Variants in CYTH3 observed in about 807,000 individuals in gnomAD.
CYTH3 encodes cytohesin 3, also known as cytohesin-3.
A neutral mutation model predicts 55.1 loss-of-function variants in CYTH3; 23 were observed. The observed-to-expected ratio is 0.42, with a 90% CI of 0.30 to 0.59. The LOEUF (loss-of-function observed/expected upper bound fraction) is 0.59, where lower values mean the gene tolerates loss of function less well. Ranked by LOEUF, CYTH3 falls within the 20% of genes least tolerant of loss-of-function variation. CYTH3 has a pLI of 0.20. For missense variants in CYTH3, 413 were observed against 524.8 expected (o/e 0.79, Z 2.08); for synonymous variants, 249 against 194.9 (o/e 1.28, Z -2.31).
intron 1 of CYTH3, among the ~76,000 whole-genome samples, chr7:6,198,890 G>A (rs924970457): frequency 1.3e-5 from 2 of 152,018 alleles, no homozygotes; most frequent in Admixed American, 6.6e-5. Context: ...TTCCAGACAC[G>A]CTAGGAAAGG....
rs543545357 is a variant in CYTH3 at position 6,247,246 on chromosome 7, G to A, written c.34+25228C>T. ...CCTTAAAACTTAGCCTCAGCTCCAC[G>A]ACACTATTTTCTGGCAATGTTATAG... is the stretch of plus-strand genomic sequence containing the variant. On this transcript the variant is annotated intron_variant, in intron 1 of 12. Coordinates refer to ENST00000350796, the MANE Select transcript of CYTH3 (RefSeq NM_004227.4). Among the ~76,000 whole-genome samples the A allele has an allele frequency of 3.9e-4, 60 of 152,246 alleles. 2 individuals carry two copies. In the South Asian group the frequency reaches 0.011, roughly 28 times the overall value.
At chr7:6,199,432 G>A (rs1784010077) in intron 1 of CYTH3, among the ~76,000 whole-genome samples, 1 of 152,142 alleles carries the variant, frequency 6.6e-6, no homozygotes, top group African/African-American at 2.4e-5. Flanking sequence ...AGGAGGATCT[G>A]GAGCCCAAGA....
chr7:6,170,458 G>A lies in CYTH3; in HGVS notation c.823+77C>T. 7.4e-7 allele frequency: 1 copy of A among 1,357,444 alleles called. No homozygotes were observed. Among genetic ancestry groups the A allele is most frequent in the Non-Finnish European group, 1.0e-6 (1 of 979,426 alleles). The allele number at this position is 1,357,444 out of a possible 1,614,324, so 84.1% of individuals were successfully genotyped here. The stretch of plus-strand genomic sequence containing the variant: ...CTGCGGTGGGGGGCATTCCTACGAT[G>A]AGCCTGGGAGGAACCCGAGGGGCTG... On this transcript the variant is annotated intron_variant, in intron 9 of 12. Transcript: ENST00000350796. This position sits in a 1 kb window ranked among gnomAD's most constrained non-coding sequence, Gnocchi z 7.8.
intron 1 of CYTH3, among the ~76,000 whole-genome samples, chr7:6,250,167 C>T: frequency 6.6e-6 from 1 of 152,036 alleles, no homozygotes; most frequent in Admixed American, 6.6e-5. Flanking sequence ...CAGTATGGCT[C>T]CCTTGGGGAA....
intron 1 of CYTH3, among the ~76,000 whole-genome samples, chr7:6,236,200 A>C (rs1040420280): frequency 6.7e-6 from 1 of 148,560 alleles, no homozygotes; most frequent in African/African-American, 2.5e-5. Flanking sequence ...ACAGAAAATA[A>C]CCCCCCCCTT....
intron 1 of CYTH3, among the ~76,000 whole-genome samples, chr7:6,269,840 A>ATT (rs548034002): frequency 2.0e-5 from 3 of 152,224 alleles, no homozygotes; most frequent in Admixed American, 2.0e-4. Flanking sequence ...GTAGGAATCA[A>ATT]TTTTTCAAGT....
chr7:6,165,467 T>C, intron 11 of CYTH3, 40 bp from the exon 12 acceptor site: 1 of 1,608,780 alleles, frequency 6.2e-7, no homozygotes, highest in East Asian at 2.2e-5. Flanking sequence ...CAGGGGGGCT[T>C]GGGGCAGGTT....
At position 6,213,511 on chromosome 7, in the gene CYTH3, C is replaced by T. The variant is rs77564651; in HGVS notation, c.35-22980G>A. Among the ~76,000 whole-genome samples, 690 of 152,200 alleles carry T rather than the reference C, an allele frequency of 4.5e-3. 5 individuals carry two copies. The highest frequency in any genetic ancestry group is 0.014 in the Middle Eastern group (4 of 294). ...CCATTCTTTGCAATACAATCTCAAT[C>T]CCAGTAAAGTGTCCCCATGGTTTTT... On this transcript the variant is annotated intron_variant, in intron 1 of 12. Transcript: ENST00000350796.
At chr7:6,190,978 G>A (rs1321662596) in intron 1 of CYTH3, among the ~76,000 whole-genome samples, 1 of 151,962 alleles carries the variant, frequency 6.6e-6, no homozygotes. Context: ...TCGGGAGGCT[G>A]AGGCAGGAGA....
intron 1 of CYTH3, among the ~76,000 whole-genome samples, chr7:6,263,059 G>A (rs1484264247): frequency 1.3e-5 from 2 of 152,030 alleles, no homozygotes; most frequent in Non-Finnish European, 2.9e-5. Context: ...GATTCCTACA[G>A]TTTCTATACC....
At chr7:6,194,996 A>T (rs1341312439) in intron 1 of CYTH3, among the ~76,000 whole-genome samples, 2 of 151,990 alleles carry the variant, frequency 1.3e-5, no homozygotes, top group Non-Finnish European at 2.9e-5. Context: ...TAAATAAATA[A>T]TTTTAAAAAA....
At position 6,173,722 on chromosome 7, in the gene CYTH3, T is replaced by G. The variant is rs1783261397; in HGVS notation, c.380A>C (p.Asn127Thr). 6.2e-7 allele frequency: 1 copy of G among 1,600,854 alleles called. No homozygotes were observed. Among genetic ancestry groups the G allele is most frequent in the Non-Finnish European group, 8.6e-7 (1 of 1,167,900 alleles). Residue 127 changes from asparagine to threonine, a missense_variant, in exon 6 of 13, where the codon AAT (asparagine) becomes ACT (threonine). By Grantham distance (65) the Asn-to-Thr change is moderately conservative (BLOSUM62 0). Around this residue, in one of 4 missense-constraint regions of CYTH3, gnomAD observed 156 missense variants for 233.1 expected, o/e 0.67. Transcript: ENST00000350796. Reference protein sequence around the residue: ...GDYLGERDEFNIKVLQAFVEL... With the variant: ...GDYLGERDEFTIKVLQAFVEL... ...AACAAAGGCTTGAAGAACTTTAATATTAAATTCATCCCTGGGAAAAAAAGA... is the reference window on the plus strand; with the variant it reads ...AACAAAGGCTTGAAGAACTTTAATAGTAAATTCATCCCTGGGAAAAAAAGA...
intron 1 of CYTH3, among the ~76,000 whole-genome samples, chr7:6,267,981 GAA>G (rs1348635651): frequency 6.6e-6 from 1 of 152,158 alleles, no homozygotes; most frequent in African/African-American, 2.4e-5. Context: ...GGCGCATAGT[GAA>G]AAGTTTCCTT....
chr7:6,216,753 G>A (rs1295544338), intron 1 of CYTH3, among the ~76,000 whole-genome samples: 3 of 150,410 alleles, frequency 2.0e-5, no homozygotes. Context: ...AAAAATGTGT[G>A]TATGTGTATA....
chr7:6,223,779 C>G (rs1481289647), intron 1 of CYTH3, among the ~76,000 whole-genome samples: 1 of 146,126 alleles, frequency 6.8e-6, no homozygotes, highest in African/African-American at 2.6e-5. Context: ...CACTATTATC[C>G]TATGACCCTG....
chr7:6,195,663 T>C (rs945517159), intron 1 of CYTH3, among the ~76,000 whole-genome samples: 2 of 152,016 alleles, frequency 1.3e-5, no homozygotes, highest in African/African-American at 4.8e-5. Context: ...CAATCCTCTA[T>C]GTCAAGCAAT....
At chr7:6,252,383 A>C (rs539676959) in intron 1 of CYTH3, among the ~76,000 whole-genome samples, 1 of 152,348 alleles carries the variant, frequency 6.6e-6, no homozygotes, top group East Asian at 1.9e-4. Flanking sequence ...CTCTCTGGTT[A>C]CGTGGCGTGT....
intron 1 of CYTH3, among the ~76,000 whole-genome samples, chr7:6,251,353 G>C (rs958131674): frequency 3.4e-5 from 5 of 148,800 alleles, no homozygotes; most frequent in African/African-American, 1.0e-4. Context: ...CTTTAAAGGA[G>C]TAATAATGAG....
intron 1 of CYTH3, among the ~76,000 whole-genome samples, chr7:6,247,833 G>A (rs2115043688): frequency 6.6e-6 from 1 of 151,762 alleles, no homozygotes; most frequent in African/African-American, 2.4e-5. Context: ...CTTGTTTTTT[G>A]TAGAGACGGA....
Sources: gnomAD v4.1 joint callset for allele counts (sites outside exome capture counted in the v4.1 genomes callset) on GRCh38, gnomAD v4.1.1 for gene constraint, gnomAD v4.1.1 regional missense constraint, Gnocchi (gnomAD v3.1) non-coding constraint, MANE v1.5 for transcripts, NCBI Gene and HGNC (gene_info 2026-07-23, HGNC 2026-07-21) for gene names.